Variants in CHRNB3 observed in about 807,000 individuals in gnomAD.
CHRNB3 encodes the protein cholinergic receptor nicotinic beta 3 subunit.
A neutral mutation model predicts 40.6 loss-of-function variants in CHRNB3; 37 were observed. That is an observed-to-expected ratio of 0.91 (90% CI 0.70 to 1.20). CHRNB3 has a LOEUF of 1.20. Among genes scored for constraint, CHRNB3 ranks in the 50% most tolerant of loss-of-function variants. The pLI, the probability that CHRNB3 is intolerant of heterozygous loss-of-function variation, is 0.00. For missense variants in CHRNB3, 505 were observed against 551.2 expected, an observed-to-expected ratio of 0.92 and a Z score of 0.84; for synonymous variants, 207 against 207.1, an observed-to-expected ratio of 1.00 and a Z score of 0.00.
At chr8:42,724,477 T>A (rs1431195939) in intron 3 of CHRNB3, among the ~76,000 whole-genome samples, 1 of 152,154 alleles carries the variant, frequency 6.6e-6, no homozygotes, top group Non-Finnish European at 1.5e-5. Flanking sequence ...GTATTTCAAG[T>A]CTTTTTCAAA....
chr8:42,710,926 C>T (rs1473529557), intron 3 of CHRNB3, among the ~76,000 whole-genome samples: 1 of 152,180 alleles, frequency 6.6e-6, no homozygotes, highest in African/African-American at 2.4e-5. Flanking sequence ...TTATTAATTT[C>T]AGAACAGAGT....
At chr8:42,733,188 G>A (rs568167169) in intron 5 of CHRNB3, among the ~76,000 whole-genome samples, 2 of 151,970 alleles carry the variant, frequency 1.3e-5, no homozygotes, top group East Asian at 3.9e-4. Context: ...AAATTAACTG[G>A]GTGTGGGTGG....
At position 42,731,690 on chromosome 8, in the gene CHRNB3, C is replaced by T. The variant is rs913237353; in HGVS notation, c.383C>T (p.Ser128Phe). Residue 128 changes from serine (S) to phenylalanine (F), a missense_variant, in exon 5 of 6, where the codon TCC becomes TTC. Transcript: ENST00000289957. ...FENADGRFEGSLMTKVIVKSN... is the reference protein window; with the variant it reads ...FENADGRFEGFLMTKVIVKSN... ...AGTGCTGACGGCCGCTTCGAAGGCTCCCTGATGACCAAGGTCATCGTGAAA... is the reference window on the plus strand; with the variant it reads ...AGTGCTGACGGCCGCTTCGAAGGCTTCCTGATGACCAAGGTCATCGTGAAA... 2.5e-6 allele frequency: 4 copies of T among 1,611,444 alleles called. No homozygotes were observed. Among genetic ancestry groups the T allele is most frequent in the Admixed American group, 3.4e-5 (2 of 59,686 alleles).
intron 5 of CHRNB3, among the ~76,000 whole-genome samples, chr8:42,735,335 C>A (rs1816505012): frequency 6.6e-6 from 1 of 152,038 alleles, no homozygotes; most frequent in Non-Finnish European, 1.5e-5. Flanking sequence ...GTCAGCAGCT[C>A]GAGACCAGCC....
rs1358576301 is a variant in CHRNB3 at position 42,727,485 on chromosome 8, G to A, written c.250-3109G>A. 3.3e-5 allele frequency among the ~76,000 whole-genome samples: 5 copies of A among 152,004 alleles called. 1 individual carries two copies. In the East Asian group the frequency reaches 7.7e-4, roughly 23 times the overall value. On this transcript the variant is annotated intron_variant, in intron 3 of 5. Coordinates refer to ENST00000289957, the MANE Select transcript of CHRNB3 (RefSeq NM_000749.5). ...CACAGTTAACTACATTTTGACAAATGTACAAAGGAAGTTCCGTGGATAATG... is the reference window on the plus strand; with the variant it reads ...CACAGTTAACTACATTTTGACAAATATACAAAGGAAGTTCCGTGGATAATG...
intron 3 of CHRNB3, among the ~76,000 whole-genome samples, chr8:42,719,956 A>C (rs1189290212): frequency 6.6e-6 from 1 of 151,914 alleles, no homozygotes; most frequent in East Asian, 1.9e-4. Context: ...GGAGCAACTG[A>C]GTCTGCTCTA....
intron 3 of CHRNB3, among the ~76,000 whole-genome samples, 200 bp from the exon 4 acceptor site, chr8:42,730,394 G>A (rs1316710605): frequency 2.6e-5 from 4 of 152,182 alleles, no homozygotes; most frequent in Admixed American, 2.6e-4. Flanking sequence ...CAAAGTGTGT[G>A]GGCCTGGGTG....
At chr8:42,723,977 T>C (rs773459909) in intron 3 of CHRNB3, among the ~76,000 whole-genome samples, 46 of 151,590 alleles carry the variant, frequency 3.0e-4, no homozygotes, top group Admixed American at 7.9e-4. Context: ...TACCAGCTAC[T>C]AAGGAGGCTG....
At chr8:42,730,204 G>A (rs933228361) in intron 3 of CHRNB3, among the ~76,000 whole-genome samples, 3 of 152,156 alleles carry the variant, frequency 2.0e-5, no homozygotes, top group African/African-American at 4.8e-5. Flanking sequence ...GTTAGCATGT[G>A]ATTTAAGTAT....
At chr8:42,703,245 G>A (rs775127061) in intron 1 of CHRNB3, among the ~76,000 whole-genome samples, 51 of 151,296 alleles carry the variant, frequency 3.4e-4, no homozygotes, top group Non-Finnish European at 5.6e-4. Context: ...CCAATGTAGC[G>A]AAACCCTGTC....
At chr8:42,726,332 G>A in intron 3 of CHRNB3, 1 of 540,152 alleles carries the variant, frequency 1.9e-6, no homozygotes, top group South Asian at 2.7e-5. Flanking sequence ...ACTTGCAAAT[G>A]ACATAATTGT....
chr8:42,730,692 T>A lies in CHRNB3; in HGVS notation c.348T>A (p.Val116=), dbSNP rs149613797. Residue 116 remains valine, a synonymous_variant, in exon 4 of 6, where the codon GTT becomes GTA. Coordinates refer to ENST00000289957, the MANE Select transcript of CHRNB3 (RefSeq NM_000749.5). Reference sequence around the variant, plus strand: ...AATCTCTGTGGCTTCCTGACATAGTTCTCTTTGAAAAGTAAGTATCACATT... The same window carrying A: ...AATCTCTGTGGCTTCCTGACATAGTACTCTTTGAAAAGTAAGTATCACATT... The part of the protein sequence containing the change: ...PSESLWLPDI[V]LFENADGRFE... 1.1e-5 allele frequency: 17 copies of A among 1,591,042 alleles called. No individual in the cohort carries two copies. The highest frequency in any genetic ancestry group is 6.8e-5 in the African/African-American group (5 of 74,034).
intron 1 of CHRNB3, among the ~76,000 whole-genome samples, chr8:42,700,191 AT>A (rs1173529313): frequency 2.0e-5 from 3 of 151,298 alleles, no homozygotes; most frequent in Non-Finnish European, 4.4e-5. Context: ...TATTTTTTGT[AT>A]TTTTAGTAGA....
intron 1 of CHRNB3, chr8:42,705,481 G>A (rs1337489575): frequency 6.6e-6 from 1 of 152,210 alleles, no homozygotes; most frequent in Non-Finnish European, 1.5e-5. Context: ...ATCATGGGAG[G>A]GGTTGGCACC....
In CHRNB3 at chr8:42,736,865, GGGATCATA is replaced by G. The variant is rs1816534212; in HGVS notation, c.*250_*257del. The G allele has an allele frequency of 3.7e-6, 2 of 538,796 alleles. No homozygotes were observed. The highest frequency in any genetic ancestry group is 6.6e-6 in the Non-Finnish European group (2 of 304,280). 33.4% of individuals were successfully genotyped at this position (538,796 alleles called of 1,614,324 possible). A position where few individuals can be genotyped will look rare whatever the true frequency, so the allele number is the denominator to read the frequency against. On this transcript the variant is annotated 3_prime_UTR_variant, in exon 6 of 6. Transcript: ENST00000289957. ...CTTGGCTTTCCCAGACATTCAGGGAGGGATCATAGGTCCAGGCTTGAGCTCACATGTGG... is the reference window on the plus strand; with the variant it reads ...CTTGGCTTTCCCAGACATTCAGGGAGGGTCCAGGCTTGAGCTCACATGTGG...
At chr8:42,724,153 T>C (rs1314468914) in intron 3 of CHRNB3, among the ~76,000 whole-genome samples, 1 of 151,766 alleles carries the variant, frequency 6.6e-6, no homozygotes, top group Non-Finnish European at 1.5e-5. Flanking sequence ...TCCCAGCACA[T>C]TGGGAGGCTG....
chr8:42,704,157 C>T (rs1815878063), intron 1 of CHRNB3, among the ~76,000 whole-genome samples: 1 of 152,210 alleles, frequency 6.6e-6, no homozygotes, highest in African/African-American at 2.4e-5. Context: ...CTGGTGAGGG[C>T]TCTGTTCCTG....
intron 2 of CHRNB3, among the ~76,000 whole-genome samples, chr8:42,709,323 C>T (rs1490604012): frequency 6.6e-6 from 1 of 151,592 alleles, no homozygotes; most frequent in Non-Finnish European, 1.5e-5. Flanking sequence ...CTAGGCAGCC[C>T]CGTCACCTCT....
At chr8:42,735,409 G>A (rs1199748957) in intron 5 of CHRNB3, among the ~76,000 whole-genome samples, 1 of 151,926 alleles carries the variant, frequency 6.6e-6, no homozygotes, top group African/African-American at 2.4e-5. Flanking sequence ...ATGGTGACGA[G>A]TGCCTGTAAT....
Sources: gnomAD v4.1 joint callset for allele counts (sites outside exome capture counted in the v4.1 genomes callset) on GRCh38, gnomAD v4.1.1 for gene constraint, MANE v1.5 for transcripts, NCBI Gene and HGNC (gene_info 2026-07-23, HGNC 2026-07-21) for gene names.